The following PALS1 variants were observed in gnomAD, a reference collection of about 807,000 sequenced individuals.
PALS1 encodes the protein protein PALS1.
A neutral mutation model predicts 78.9 loss-of-function variants in PALS1; 31 were observed. That is an observed-to-expected ratio of 0.39 (90% CI 0.30 to 0.53). The LOEUF (loss-of-function observed/expected upper bound fraction) is 0.53. Ranked by LOEUF, PALS1 falls within the 20% of genes least tolerant of loss-of-function variation. PALS1 has a pLI of 0.67. For synonymous variants in PALS1, 276 were observed against 270.9 expected, an observed-to-expected ratio of 1.02 and a Z score of -0.18; for missense variants, 704 against 826.5, an observed-to-expected ratio of 0.85 and a Z score of 1.82.
chr14:67,319,637 A>C (rs2140987049), intron 11 of PALS1, among the ~76,000 whole-genome samples: 1 of 152,096 alleles, frequency 6.6e-6, no homozygotes, highest in East Asian at 1.9e-4. Context: ...AAATTGCAAA[A>C]CAATCTCACA....
At chr14:67,261,520 TA>T (rs1269993737) in intron 1 of PALS1, among the ~76,000 whole-genome samples, 1 of 152,216 alleles carries the variant, frequency 6.6e-6, no homozygotes, top group Non-Finnish European at 1.5e-5. Context: ...GAGTCTATTA[TA>T]TTTTTAGGAT....
chr14:67,320,914 A>T, intron 12 of PALS1, 143 bp from the exon 13 acceptor site: 2 of 680,646 alleles, frequency 2.9e-6, no homozygotes, highest in Non-Finnish European at 5.0e-6. Context: ...AAACAATGTT[A>T]AACATGTAGG....
At chr14:67,320,436 A>T (rs750691359) in intron 12 of PALS1, 39 bp downstream of exon 12, 2 of 1,533,768 alleles carry the variant, frequency 1.3e-6, no homozygotes, top group Non-Finnish European at 8.8e-7. Context: ...GTGCTTTTCA[A>T]TTTACCAGCT....
intron 14 of PALS1, among the ~76,000 whole-genome samples, chr14:67,324,883 C>A (rs1308764566): frequency 6.6e-6 from 1 of 151,010 alleles, no homozygotes; most frequent in Non-Finnish European, 1.5e-5. Context: ...GCTACCACGC[C>A]CAGCCTTCCT....
chr14:67,328,365 G>C (rs1369965387), intron 14 of PALS1, among the ~76,000 whole-genome samples: 1 of 152,174 alleles, frequency 6.6e-6, no homozygotes, highest in Admixed American at 6.5e-5. Context: ...TAAGTTCTTT[G>C]TAGATTCTGG....
chr14:67,269,108 A>G (rs1372975975), intron 1 of PALS1, among the ~76,000 whole-genome samples: 5 of 152,160 alleles, frequency 3.3e-5, no homozygotes, highest in Non-Finnish European at 4.4e-5. Flanking sequence ...TATTTCATAA[A>G]TAGAATCATA....
intron 8 of PALS1, among the ~76,000 whole-genome samples, chr14:67,308,563 G>A (rs1288390103): frequency 1.6e-5 from 1 of 61,616 alleles, no homozygotes; most frequent in South Asian, 5.2e-4. Context: ...TTTTTTTTTT[G>A]GAGACAGAGT....
At chr14:67,303,720 TTAAA>T (rs1402195881) in intron 8 of PALS1, 121 bp downstream of exon 8, 1 of 714,506 alleles carries the variant, frequency 1.4e-6, no homozygotes, top group Non-Finnish European at 2.4e-6. Context: ...TCATTTTTAT[TTAAA>T]TAAATATGAA....
In PALS1 at chr14:67,269,742, A is replaced by C. The variant is rs1395885120; in HGVS notation, c.-195A>C. On this transcript the variant is annotated 5_prime_UTR_variant, in exon 2 of 15. Transcript: ENST00000261681. ...GTTTTGTGAAAAACCGGAGAAGAGAAACTAAAAGGACAGTAGAAAAGGCTT... is the reference window on the plus strand; with the variant it reads ...GTTTTGTGAAAAACCGGAGAAGAGACACTAAAAGGACAGTAGAAAAGGCTT... 6.6e-6 allele frequency: 1 copy of C among 152,600 alleles called. No homozygotes were observed. The highest frequency in any genetic ancestry group is 1.5e-5 in the Non-Finnish European group (1 of 68,040). 9.5% of individuals were successfully genotyped at this position (152,600 alleles called of 1,614,324 possible).
chr14:67,241,961 G>T (rs2083912784), intron 1 of PALS1: 1 of 152,210 alleles, frequency 6.6e-6, no homozygotes, highest in Non-Finnish European at 1.5e-5. Context: ...TGTAGTCAGC[G>T]TTCCTCTGCC....
chr14:67,289,810 G>A (rs1026502966), intron 3 of PALS1, among the ~76,000 whole-genome samples: 3 of 124,130 alleles, frequency 2.4e-5, no homozygotes, highest in East Asian at 2.3e-4. Context: ...TCTCTCTGTC[G>A]CCCAAGCTGG....
chr14:67,292,549 C>A lies in PALS1; in HGVS notation c.406C>A (p.His136Asn), dbSNP rs747942477. Residue 136 changes from histidine (H) to asparagine (N), a missense_variant, in exon 4 of 15, where the codon CAT becomes AAT. Coordinates refer to ENST00000261681, the MANE Select transcript of PALS1 (RefSeq NM_022474.4). Reference protein sequence around the residue: ...DLFSSLKHIQHTLVDSQSQED... With the variant: ...DLFSSLKHIQNTLVDSQSQED... ...GTTTTCTTCACTTAAACATATCCAA[C>A]ATACTTTGGTAGATTCTCAGAGCCA... The A allele has an allele frequency of 6.2e-7, 1 of 1,613,180 alleles. No individual in the cohort carries two copies. The highest frequency in any genetic ancestry group is 8.5e-7 in the Non-Finnish European group (1 of 1,179,306).
intron 4 of PALS1, among the ~76,000 whole-genome samples, chr14:67,298,855 A>G (rs2084894973): frequency 6.6e-6 from 1 of 152,158 alleles, no homozygotes. Flanking sequence ...GGCCCTATGA[A>G]TATCCACTGA....
chr14:67,276,210 A>C (rs1228510508), intron 2 of PALS1, among the ~76,000 whole-genome samples: 1 of 152,116 alleles, frequency 6.6e-6, no homozygotes, highest in African/African-American at 2.4e-5. Flanking sequence ...TAAAGATCTA[A>C]AACTCTTCTC....
intron 10 of PALS1, 109 bp from the exon 11 acceptor site, chr14:67,317,299 C>CA (rs1367648824): frequency 5.9e-6 from 6 of 1,013,056 alleles, no homozygotes; most frequent in South Asian, 1.8e-5. Context: ...CTCGTTTCTG[C>CA]AAAAAAATTT....
At chr14:67,273,767 C>T (rs1412162317) in intron 2 of PALS1, among the ~76,000 whole-genome samples, 2 of 152,224 alleles carry the variant, frequency 1.3e-5, no homozygotes, top group Non-Finnish European at 2.9e-5. Context: ...TGTTTCTCCA[C>T]ATCCTCTCCG....
At position 67,308,468 on chromosome 14, in the gene PALS1, C is replaced by T. The variant is rs144655436; in HGVS notation, c.1042-4059C>T. On this transcript the variant is annotated intron_variant, in intron 8 of 14. Transcript: ENST00000261681. ...TGGTTGTGGCAAATTTATACTTTTC[C>T]AAAGGAGTGTCCATTGAGCAAGTGG... 5.9e-3 allele frequency among the ~76,000 whole-genome samples: 901 copies of T among 151,654 alleles called. 12 individuals carry two copies. The highest frequency in any genetic ancestry group is 0.018 in the African/African-American group (735 of 41,410).
chr14:67,317,562 A>G, intron 11 of PALS1, 83 bp downstream of exon 11: 1 of 858,384 alleles, frequency 1.2e-6, no homozygotes, highest in Non-Finnish European at 1.8e-6. Context: ...AATGTTAAAT[A>G]TGTGCTTGAG....
At chr14:67,301,318 T>C (rs907784145) in intron 4 of PALS1, 71 bp from the exon 5 acceptor site, 10 of 780,962 alleles carry the variant, frequency 1.3e-5, no homozygotes, top group African/African-American at 1.2e-4. Flanking sequence ...TTAAAAAATA[T>C]GACCCTGCAT....
Sources: allele counts gnomAD v4.1 joint callset (sites outside exome capture counted in the v4.1 genomes callset), GRCh38; gene constraint gnomAD v4.1.1; transcripts MANE v1.5; gene names NCBI Gene and HGNC (gene_info 2026-07-23, HGNC 2026-07-21).